Variants in ZNF785 observed in about 807,000 individuals in gnomAD.
The protein encoded by ZNF785 is zinc finger protein 785.
A neutral mutation model predicts 11.3 loss-of-function variants in ZNF785; 15 were observed. The ratio of observed to expected loss-of-function variants is 1.32; its 90% CI spans 0.89 to 2.04. The LOEUF is 2.04. Ranked by LOEUF, ZNF785 falls within the 30% of genes most tolerant of loss-of-function variation. The pLI is 0.00. For synonymous variants in ZNF785, 221 were observed against 231.0 expected, an observed-to-expected ratio of 0.96 and a Z score of 0.39; for missense variants, 572 against 560.9, an observed-to-expected ratio of 1.02 and a Z score of -0.20.
In ZNF785 at chr16:30,582,715, G is replaced by C; in HGVS notation, c.1063C>G (p.Leu355Val). ...CGKGFKRKTALEAHRWIHRSC... is the reference protein window; with the variant it reads ...CGKGFKRKTAVEAHRWIHRSC... Reference sequence around the variant, plus strand: ...CGGTGGATCCACCGATGGGCTTCCAGGGCGGTCTTGCGCTTGAAGCCTTTC... The same window carrying C: ...CGGTGGATCCACCGATGGGCTTCCACGGCGGTCTTGCGCTTGAAGCCTTTC... Residue 355 changes from leucine to valine, a missense_variant, in exon 3 of 3, where the codon CTG becomes GTG. Coordinates refer to ENST00000395216, the MANE Select transcript of ZNF785 (RefSeq NM_152458.7). The C allele has an allele frequency of 6.2e-7, 1 of 1,613,426 alleles. No individual in the cohort carries two copies. Among genetic ancestry groups the C allele is most frequent in the Non-Finnish European group, 8.5e-7 (1 of 1,179,580 alleles).
rs2051884699 is a variant in ZNF785, at chr16:30,585,578, C to A, written c.34G>T (p.Val12Leu). The change falls in exon 1 of 3, where the codon GTA becomes TTA. Residue 12 changes from valine to leucine, a missense_variant. Val to Leu is a conservative substitution (Grantham distance 32). Coordinates refer to ENST00000395216, the MANE Select transcript of ZNF785 (RefSeq NM_152458.7). This position sits in a 1 kb window ranked among gnomAD's most constrained non-coding sequence, Gnocchi z 4.0. ...CTCCGGGGCCCGGCCTCCCCGGGTA[C>A]GTGGGCCGGGCGCGGCGCCAGGGGC... Reference protein sequence around the residue: ...GPPLAPRPAHVPGEAGPRRTR... With the variant: ...GPPLAPRPAHLPGEAGPRRTR... 6.5e-7 allele frequency: 1 copy of A among 1,529,140 alleles called. No individual in the cohort carries two copies. The highest frequency in any genetic ancestry group is 2.2e-5 in the Admixed American group (1 of 45,338). The allele number at this position is 1,529,140 out of a possible 1,614,324, so 94.7% of individuals were successfully genotyped here.
Position 30,582,823 on chromosome 16 carries a change from G to T in ZNF785, c.955C>A (p.Arg319Ser). The stretch of plus-strand genomic sequence containing the variant: ...AGGAGGGAAGAATAGGTGAAGCGGC[G>T]GCCGCAGTCAGGACAGGGGTAGGGC... ...EKPYPCPDCG[R>S]RFTYSSLLLS... Residue 319 changes from arginine to serine, a missense_variant, in exon 3 of 3, where the codon CGC becomes AGC. Arg to Ser is a moderately radical substitution (Grantham distance 110). Coordinates refer to ENST00000395216, the MANE Select transcript of ZNF785 (RefSeq NM_152458.7). 6.2e-7 allele frequency: 1 copy of T among 1,608,326 alleles called. No individual in the cohort carries two copies. Among genetic ancestry groups the T allele is most frequent in the Non-Finnish European group, 8.5e-7 (1 of 1,176,246 alleles).
At position 30,583,357 on chromosome 16, in the gene ZNF785, A is replaced by G. The variant is rs757107728; in HGVS notation, c.421T>C (p.Trp141Arg). Reference sequence around the variant, plus strand: ...TCTGGGCAGGCGACGCTGGGCCACCACTCCTTGACAGCCACTTCATGCGCC... The same window carrying G: ...TCTGGGCAGGCGACGCTGGGCCACCGCTCCTTGACAGCCACTTCATGCGCC... ...EVAHEVAVKE[W>R]WPSVACPEFC... is the part of the protein sequence containing the mutation. The change falls in exon 3 of 3, where the codon TGG (tryptophan) becomes CGG (arginine). Residue 141 changes from tryptophan (W) to arginine (R), a missense_variant. Coordinates refer to ENST00000395216, the MANE Select transcript of ZNF785 (RefSeq NM_152458.7). 1 of 1,612,150 alleles carries G rather than the reference A, an allele frequency of 6.2e-7. No individual in the cohort carries two copies. Among genetic ancestry groups the G allele is most frequent in the South Asian group, 1.1e-5 (1 of 90,978 alleles).
Position 30,583,088 on chromosome 16 carries a change from G to T in ZNF785, c.690C>A (p.Cys230Ter), listed in dbSNP as rs542068093. The T allele has an allele frequency of 6.2e-7, 1 of 1,611,916 alleles. No individual in the cohort carries two copies. The highest frequency in any genetic ancestry group is 8.5e-7 in the Non-Finnish European group (1 of 1,179,386). ...FIHTGEKPYPCPDCGRRFRQR... is the reference protein window; with the variant it reads ...FIHTGEKPYP ...GGCGGAAGCGGCGCCCGCAGTCGGG[G>T]CAGGGGTAGGGCTTCTCGCCGGTGT... is the stretch of plus-strand genomic sequence containing the variant. The change falls in exon 3 of 3, where the codon TGC (cysteine) becomes TGA (stop). Residue 230 changes from cysteine to a stop codon, truncating the protein, a stop_gained. Coordinates refer to ENST00000395216, the MANE Select transcript of ZNF785 (RefSeq NM_152458.7). LOFTEE classifies it low-confidence loss of function (END_TRUNC).
rs2051871253 is a variant in ZNF785 at position 30,585,065 on chromosome 16, A to C, written c.334+57T>G. On this transcript the variant is annotated intron_variant, in intron 2 of 2. Coordinates refer to ENST00000395216, the MANE Select transcript of ZNF785 (RefSeq NM_152458.7). The surrounding 1 kb of genome is among the most constrained non-coding windows in gnomAD (Gnocchi z 4.0). ...GGGGGCAGCCTGCGCTGAGGATGTG[A>C]GTGAGTTGGGGGCGGGGGTTGGGGC... 4 of 1,564,048 alleles carry C rather than the reference A, an allele frequency of 2.6e-6. No individual in the cohort carries two copies. Among genetic ancestry groups the C allele is most frequent in the Middle Eastern group, 1.7e-4 (1 of 5,774 alleles).
Position 30,582,923 on chromosome 16 carries a change from G to A in ZNF785, c.855C>T (p.Ser285=), listed in dbSNP as rs779687495. 2 of 1,613,924 alleles carry A rather than the reference G, an allele frequency of 1.2e-6. No homozygotes were observed. The highest frequency in any genetic ancestry group is 2.7e-5 in the African/African-American group (2 of 74,898). Residue 285 remains serine, a synonymous_variant, in exon 3 of 3, where the codon AGC becomes AGT. Transcript: ENST00000395216. ...CGAAACGGAGGCTGCAATCGGGGCA[G>A]CTGTAGGGCTTCTCGCCCGTGTGCT... ...QRKHTGEKPY[S]CPDCSLRFAY...
rs772960015 is a variant in ZNF785, at chr16:30,582,538, T to G, written c.*22A>C. On this transcript the variant is annotated 3_prime_UTR_variant, in exon 3 of 3. Coordinates refer to ENST00000395216, the MANE Select transcript of ZNF785 (RefSeq NM_152458.7). ...TGCCTCTTCCTCTCCAGGGAAACGC[T>G]GACCAGTTTGTGTGAACGCCATCAC... 4.7e-5 allele frequency: 75 copies of G among 1,611,840 alleles called. 1 individual carries two copies. The highest frequency in any genetic ancestry group is 1.7e-6 in the Non-Finnish European group (2 of 1,178,586).
Position 30,582,735 on chromosome 16 carries a change from C to G in ZNF785, c.1043G>C (p.Gly348Ala). 2.5e-6 allele frequency: 4 copies of G among 1,611,106 alleles called. No homozygotes were observed. Among genetic ancestry groups the G allele is most frequent in the South Asian group, 1.1e-5 (1 of 90,870 alleles). Residue 348 changes from glycine to alanine, a missense_variant, in exon 3 of 3, where the codon GGC becomes GCC. Coordinates refer to ENST00000395216, the MANE Select transcript of ZNF785 (RefSeq NM_152458.7). ...RPFPCVECGK[G>A]FKRKTALEAH... is the part of the protein sequence containing the mutation. ...TTCCAGGGCGGTCTTGCGCTTGAAG[C>G]CTTTCCCACACTCCACGCAGGGGAA...
Position 30,582,770 on chromosome 16 carries a change from G to A in ZNF785, c.1008C>T (p.Asp336=), listed in dbSNP as rs1482623616. The A allele has an allele frequency of 6.2e-7, 1 of 1,607,054 alleles. No individual in the cohort carries two copies. The highest frequency in any genetic ancestry group is 8.5e-7 in the Non-Finnish European group (1 of 1,175,322). Residue 336 remains aspartate (D), a synonymous_variant, in exon 3 of 3, where the codon GAC becomes GAT. Transcript: ENST00000395216. ...LLLSHRRIHS[D]SRPFPCVECG... is the part of the protein sequence containing the mutation. The stretch of plus-strand genomic sequence containing the variant: ...ACTCCACGCAGGGGAAGGGCCGGCT[G>A]TCGGAGTGAATGCGCCGGTGACTGA...
At position 30,585,236 on chromosome 16, in the gene ZNF785, T is replaced by C. The variant is rs766137367; in HGVS notation, c.220A>G (p.Lys74Glu). 2 of 1,613,678 alleles carry C rather than the reference T, an allele frequency of 1.2e-6. No individual in the cohort carries two copies. The highest frequency in any genetic ancestry group is 1.1e-5 in the South Asian group (1 of 91,038). Residue 74 changes from lysine (K) to glutamate (E), a missense_variant, in exon 2 of 3, where the codon AAA (lysine) becomes GAA (glutamate). By Grantham distance (56) the Lys-to-Glu change is moderately conservative (BLOSUM62 1). Transcript: ENST00000395216. This position sits in a 1 kb window ranked among gnomAD's most constrained non-coding sequence, Gnocchi z 4.0. ...TCCACCCACGAGATAAAAGCGGGTT[T>C]GGGAACTGAAAATCCTGCGAAGGAG... ...HLGALGFSVP[K>E]PAFISWVEGE...
At position 30,582,348 on chromosome 16, in the gene ZNF785, G is replaced by C. The variant is rs1275588813; in HGVS notation, c.*212C>G. On this transcript the variant is annotated 3_prime_UTR_variant, in exon 3 of 3. Coordinates refer to ENST00000395216, the MANE Select transcript of ZNF785 (RefSeq NM_152458.7). ...GGATGGGACGTGAACACGGGGCCCT[G>C]TGTGCTGGAGCTTCAGAAAATGGGG... 9.3e-6 allele frequency: 6 copies of C among 645,146 alleles called. No individual in the cohort carries two copies. Among genetic ancestry groups the C allele is most frequent in the Non-Finnish European group, 1.6e-5 (6 of 382,236 alleles). The allele number at this position is 645,146 out of a possible 1,614,324, so 40.0% of individuals were successfully genotyped here. A position where few individuals can be genotyped will look rare whatever the true frequency, so the allele number is the denominator to read the frequency against.
chr16:30,580,087 C>T (rs141523386), downstream of ZNF785, among the ~76,000 whole-genome samples: 1 of 151,378 alleles, frequency 6.6e-6, no homozygotes, highest in East Asian at 2.0e-4. Context: ...TGGGGTTTCA[C>T]TGTGTGAGCC....
rs1369448298 is a variant in ZNF785 at position 30,582,889 on chromosome 16, A to G, written c.889T>C (p.Ser297Pro). Residue 297 changes from serine to proline, a missense_variant, in exon 3 of 3, where the codon TCC (serine) becomes CCC (proline). Ser to Pro is a moderately conservative substitution (Grantham distance 74). Coordinates refer to ENST00000395216, the MANE Select transcript of ZNF785 (RefSeq NM_152458.7). ...PDCSLRFAYT[S>P]LLAIHRRIHT... is the part of the protein sequence containing the mutation. ...ATGCGCCTGTGGATGGCCAGCAGGG[A>G]GGTGTAGGCGAAACGGAGGCTGCAA... 6.2e-7 allele frequency: 1 copy of G among 1,600,392 alleles called. No homozygotes were observed. Among genetic ancestry groups the G allele is most frequent in the Admixed American group, 1.7e-5 (1 of 58,278 alleles).
In ZNF785 at chr16:30,583,420, TCTC is replaced by T; in HGVS notation, c.355_357del (p.Glu119del). The T allele has an allele frequency of 7.0e-6, 11 of 1,563,988 alleles. No individual in the cohort carries two copies. Among genetic ancestry groups the T allele is most frequent in the Non-Finnish European group, 9.5e-6 (11 of 1,153,596 alleles). ...TTTGGACACTTCTTCAGCCTTTCCT[TCTC>T]CTCATTCCCATCCCTGGATCCTGAA... On this transcript the variant is annotated inframe_deletion, in exon 3 of 3. Coordinates refer to ENST00000395216, the MANE Select transcript of ZNF785 (RefSeq NM_152458.7).
At position 30,582,856 on chromosome 16, in the gene ZNF785, C is replaced by G. The variant is rs779636020; in HGVS notation, c.922G>C (p.Gly308Arg). Reference protein sequence around the residue: ...LLAIHRRIHTGEKPYPCPDCG... With the variant: ...LLAIHRRIHTREKPYPCPDCG... ...TCAGGACAGGGGTAGGGCTTCTCGC[C>G]GGTGTGTATGCGCCTGTGGATGGCC... is the stretch of plus-strand genomic sequence containing the variant. Residue 308 changes from glycine (G) to arginine (R), a missense_variant, in exon 3 of 3, where the codon GGC becomes CGC. Coordinates refer to ENST00000395216, the MANE Select transcript of ZNF785 (RefSeq NM_152458.7). 14 of 1,612,138 alleles carry G rather than the reference C, an allele frequency of 8.7e-6. No homozygotes were observed. The highest frequency in any genetic ancestry group is 1.2e-5 in the Non-Finnish European group (14 of 1,179,028).
At chr16:30,579,883 T>TTTTTG (rs749689056), downstream of ZNF785, 2 of 454,710 alleles carry the variant, frequency 4.4e-6, no homozygotes, top group African/African-American at 2.0e-5. Context: ...TAACTGTTGT[T>TTTTTG]TTTTGTTTTG....
At position 30,582,983 on chromosome 16, in the gene ZNF785, G is replaced by A; in HGVS notation, c.795C>T (p.Phe265=). 2 of 1,614,052 alleles carry A rather than the reference G, an allele frequency of 1.2e-6. No homozygotes were observed. Among genetic ancestry groups the A allele is most frequent in the Non-Finnish European group, 1.7e-6 (2 of 1,179,978 alleles). The change falls in exon 3 of 3, where the codon TTC becomes TTT. Residue 265 remains phenylalanine (F), a synonymous_variant. Transcript: ENST00000395216. ...PYACSDCKSR[F]TYPYLLAIHQ... is the part of the protein sequence containing the mutation. ...GGATGGCCAGCAGGTAGGGGTAAGT[G>A]AAGCGACTCTTGCAGTCTGAGCACG...
At chr16:30,579,299 G>A (rs1288967017), downstream of ZNF785, 1 of 153,934 alleles carries the variant, frequency 6.5e-6, no homozygotes, top group Non-Finnish European at 1.4e-5. Context: ...CACACAGCCA[G>A]TGGGGACTGA....
Position 30,582,752 on chromosome 16 carries a change from G to A in ZNF785, c.1026C>T (p.Cys342=). 1 of 1,608,546 alleles carries A rather than the reference G, an allele frequency of 6.2e-7. No homozygotes were observed. Residue 342 remains cysteine (C), a synonymous_variant, in exon 3 of 3, where the codon TGC becomes TGT. Transcript: ENST00000395216. ...GCTTGAAGCCTTTCCCACACTCCACGCAGGGGAAGGGCCGGCTGTCGGAGT... is the reference window on the plus strand; with the variant it reads ...GCTTGAAGCCTTTCCCACACTCCACACAGGGGAAGGGCCGGCTGTCGGAGT... ...RIHSDSRPFP[C]VECGKGFKRK... is the part of the protein sequence containing the mutation.
Sources: allele counts gnomAD v4.1 joint callset (sites outside exome capture counted in the v4.1 genomes callset), GRCh38; gene constraint gnomAD v4.1.1; non-coding constraint Gnocchi (gnomAD v3.1); transcripts MANE v1.5; gene names NCBI Gene and HGNC (gene_info 2026-07-23, HGNC 2026-07-21).